Variants in ST8SIA2 observed in about 807,000 individuals in gnomAD.
ST8SIA2 encodes the protein alpha-2,8-sialyltransferase 8B.
In ST8SIA2, 22 loss-of-function variants were observed where a neutral mutation model predicts 37.6. The observed-to-expected ratio is 0.58, with a 90% confidence interval of 0.42 to 0.83. The LOEUF is 0.83. Ranked by LOEUF, ST8SIA2 falls within the 40% of genes least tolerant of loss-of-function variation. The pLI is 0.00. For synonymous variants in ST8SIA2, 205 were observed against 201.2 expected, an observed-to-expected ratio of 1.02 and a Z score of -0.16; for missense variants, 382 against 484.7, an observed-to-expected ratio of 0.79 and a Z score of 1.99.
chr15:92,436,562 C>T (rs2141833049), intron 3 of ST8SIA2, among the ~76,000 whole-genome samples: 1 of 152,312 alleles, frequency 6.6e-6, no homozygotes, highest in Middle Eastern at 3.4e-3. Flanking sequence ...TTAATTCACT[C>T]ACAGAGGTGT....
intron 1 of ST8SIA2, among the ~76,000 whole-genome samples, chr15:92,407,679 G>A (rs374295195): frequency 5.9e-5 from 9 of 152,316 alleles, no homozygotes; most frequent in East Asian, 1.9e-4. Context: ...GCCTCTAGGG[G>A]TGATGGAAGG....
intron 3 of ST8SIA2, among the ~76,000 whole-genome samples, chr15:92,437,751 G>C (rs1490539284): frequency 6.6e-6 from 1 of 152,166 alleles, no homozygotes; most frequent in Non-Finnish European, 1.5e-5. Context: ...AAAATGGGCC[G>C]GTAAGGAGTG....
At chr15:92,400,385 G>A (rs1023065325) in intron 1 of ST8SIA2, among the ~76,000 whole-genome samples, 4 of 152,278 alleles carry the variant, frequency 2.6e-5, no homozygotes, top group East Asian at 3.9e-4. Flanking sequence ...AACTCTGACC[G>A]AGGATATGCC....
intron 4 of ST8SIA2, among the ~76,000 whole-genome samples, chr15:92,444,294 A>G (rs996782610): frequency 6.6e-6 from 1 of 152,086 alleles, no homozygotes; most frequent in African/African-American, 2.4e-5. Context: ...CTGTCACCTA[A>G]TGGGCCAGAT....
intron 1 of ST8SIA2, among the ~76,000 whole-genome samples, chr15:92,403,612 C>A (rs904312474): frequency 2.6e-5 from 4 of 152,046 alleles, no homozygotes; most frequent in African/African-American, 4.8e-5. Context: ...AGGAGTGATA[C>A]CCAGGGTTAA....
intron 1 of ST8SIA2, among the ~76,000 whole-genome samples, chr15:92,402,698 G>C (rs1486102608): frequency 1.3e-5 from 2 of 152,124 alleles, no homozygotes; most frequent in Non-Finnish European, 2.9e-5. Context: ...AGGGTTGCCA[G>C]TTCCAAAACA....
intron 1 of ST8SIA2, among the ~76,000 whole-genome samples, chr15:92,399,558 G>T (rs1286121477): frequency 1.3e-5 from 2 of 152,176 alleles, no homozygotes; most frequent in African/African-American, 4.8e-5. Flanking sequence ...TTGCAGTCCA[G>T]GCACTCTGTA....
chr15:92,394,817 C>T (rs1270850210), intron 1 of ST8SIA2, among the ~76,000 whole-genome samples: 1 of 152,200 alleles, frequency 6.6e-6, no homozygotes. Context: ...TTCAGCCAAG[C>T]CACGGCAACC....
At chr15:92,415,866 G>T (rs562020535) in intron 1 of ST8SIA2, among the ~76,000 whole-genome samples, 4 of 152,182 alleles carry the variant, frequency 2.6e-5, no homozygotes, top group African/African-American at 7.2e-5. Flanking sequence ...AAAGACACAG[G>T]CTTGTGAACT....
At chr15:92,446,937 G>A (rs1232797121) in intron 5 of ST8SIA2, among the ~76,000 whole-genome samples, 1 of 152,150 alleles carries the variant, frequency 6.6e-6, no homozygotes, top group Admixed American at 6.6e-5. Flanking sequence ...ATGCACATAT[G>A]TTTGTGGGCC....
chr15:92,452,722 T>C (rs955648460), intron 5 of ST8SIA2, among the ~76,000 whole-genome samples: 1 of 152,208 alleles, frequency 6.6e-6, no homozygotes, highest in African/African-American at 2.4e-5. Flanking sequence ...GTAAGTCAGC[T>C]ACCTTGACAA....
chr15:92,407,049 G>C (rs1312795787), intron 1 of ST8SIA2, among the ~76,000 whole-genome samples: 2 of 149,882 alleles, frequency 1.3e-5, no homozygotes, highest in African/African-American at 4.9e-5. Context: ...AATGAATAAT[G>C]ATTCTTATTA....
intron 5 of ST8SIA2, among the ~76,000 whole-genome samples, chr15:92,449,448 G>A (rs4777714): frequency 0.098 from 14,964 of 152,256 alleles, 782 homozygotes; most frequent in Middle Eastern, 0.17. Flanking sequence ...CCTTGCTATT[G>A]TGAATAGTGC....
At chr15:92,395,073 G>A (rs935878761) in intron 1 of ST8SIA2, among the ~76,000 whole-genome samples, 1 of 152,102 alleles carries the variant, frequency 6.6e-6, no homozygotes, top group Admixed American at 6.5e-5. Context: ...CTCGCGCCCC[G>A]CCCCGCAGCC....
intron 1 of ST8SIA2, among the ~76,000 whole-genome samples, chr15:92,398,912 G>T (rs2049451256): frequency 6.6e-6 from 1 of 152,228 alleles, no homozygotes; most frequent in South Asian, 2.1e-4. Flanking sequence ...TGAGAGCCTG[G>T]TCTGGCCTTA....
intron 2 of ST8SIA2, among the ~76,000 whole-genome samples, chr15:92,430,544 G>A (rs2141828215): frequency 6.6e-6 from 1 of 152,354 alleles, no homozygotes; most frequent in Admixed American, 6.5e-5. Context: ...AAAATATTTA[G>A]GGAGTCAACA....
chr15:92,462,597 T>A (rs2141853748), intron 5 of ST8SIA2, among the ~76,000 whole-genome samples: 1 of 152,316 alleles, frequency 6.6e-6, no homozygotes, highest in Non-Finnish European at 1.5e-5. Flanking sequence ...CTGGCCTGAA[T>A]TTAATGGGTG....
intron 1 of ST8SIA2, among the ~76,000 whole-genome samples, chr15:92,409,921 A>G (rs1291094294): frequency 3.3e-5 from 5 of 152,354 alleles, no homozygotes; most frequent in South Asian, 2.1e-4. Context: ...AAAGATGAGT[A>G]CAGCATAGGG....
At chr15:92,405,090 T>C (rs2049498275) in intron 1 of ST8SIA2, among the ~76,000 whole-genome samples, 1 of 122,780 alleles carries the variant, frequency 8.1e-6, no homozygotes, top group Admixed American at 8.8e-5. Context: ...CAAGACCCTG[T>C]TCTTAAAAAT....
Sources: gnomAD v4.1 joint callset for allele counts (sites outside exome capture counted in the v4.1 genomes callset) on GRCh38, gnomAD v4.1.1 for gene constraint, MANE v1.5 for transcripts, NCBI Gene and HGNC (gene_info 2026-07-23, HGNC 2026-07-21) for gene names.